Variants in PPA1 observed in about 807,000 individuals in gnomAD.
PPA1 encodes inorganic pyrophosphatase.
Under a neutral mutation model 41.8 loss-of-function variants are expected in PPA1, and 23 were observed. The ratio of observed to expected loss-of-function variants is 0.55; its 90% CI spans 0.40 to 0.78. The LOEUF is 0.78. Among genes scored for constraint, PPA1 ranks in the 30% least tolerant of loss-of-function variants. PPA1 has a pLI of 0.00. For missense variants in PPA1, 320 were observed against 361.6 expected, an observed-to-expected ratio of 0.89 and a Z score of 0.93; for synonymous variants, 101 against 116.8, an observed-to-expected ratio of 0.86 and a Z score of 0.87.
At chr10:70,208,619 T>C (rs1002866313) in intron 8 of PPA1, among the ~76,000 whole-genome samples, 1 of 152,030 alleles carries the variant, frequency 6.6e-6, no homozygotes, top group Non-Finnish European at 1.5e-5. Context: ...ATGAGCCATA[T>C]AGCACCCAGA....
chr10:70,233,232 G>A, intron 1 of PPA1, 32 bp downstream of exon 1: 1 of 1,527,552 alleles, frequency 6.5e-7, no homozygotes, highest in South Asian at 1.2e-5. Context: ...GGGCGGACGG[G>A]CGCGGAGGGG....
chr10:70,206,652 T>A (rs1425656168), intron 8 of PPA1, among the ~76,000 whole-genome samples: 1 of 151,484 alleles, frequency 6.6e-6, no homozygotes. Flanking sequence ...GAGACCATCC[T>A]GGCCAACACG....
At chr10:70,209,986 G>C (rs1839998437) in intron 6 of PPA1, 1 of 351,972 alleles carries the variant, frequency 2.8e-6, no homozygotes, top group Non-Finnish European at 5.2e-6. Context: ...GTTAGGTAAG[G>C]GCAAACAGCT....
intron 2 of PPA1, among the ~76,000 whole-genome samples, chr10:70,221,076 A>ATTTTTTTTTT (rs11310336): frequency 5.0e-5 from 2 of 40,048 alleles, no homozygotes; most frequent in Admixed American, 4.4e-4. Context: ...ATATATATAT[A>ATTTTTTTTTT]TTTTTTTTTT....
At chr10:70,205,390 A>T (rs549452096) in intron 9 of PPA1, 17 of 152,152 alleles carry the variant, frequency 1.1e-4, no homozygotes, top group African/African-American at 3.9e-4. Context: ...AAAAAAAAAA[A>T]ATTCAAGCCT....
intron 2 of PPA1, among the ~76,000 whole-genome samples, chr10:70,225,560 G>GA (rs561635417): frequency 1.3e-3 from 201 of 151,188 alleles, no homozygotes; most frequent in African/African-American, 4.7e-3. Flanking sequence ...AAAATTTGGA[G>GA]AAAAAACAGT....
chr10:70,205,507 T>C (rs1839929439), intron 9 of PPA1: 1 of 152,160 alleles, frequency 6.6e-6, no homozygotes, highest in African/African-American at 2.4e-5. Flanking sequence ...TTATAAAATA[T>C]GGGCAGTGTT....
intron 6 of PPA1, chr10:70,210,360 A>C (rs1219382718): frequency 1.5e-6 from 2 of 1,364,058 alleles, no homozygotes; most frequent in South Asian, 2.3e-5. Flanking sequence ...TACAGGCTTG[A>C]GGTACTATCC....
At position 70,203,193 on chromosome 10, in the gene PPA1, T is replaced by A. The variant is rs1364579526; in HGVS notation, c.839-7A>T. On this transcript the variant is annotated splice_polypyrimidine_tract_variant and splice_region_variant and intron_variant, in intron 10 of 10. Transcript: ENST00000373232. ...TGATGGAACCACTTATCCACTGTAT[T>A]CAGAGAAAAGAAAAACAAATTAGAA... The A allele has an allele frequency of 6.2e-7, 1 of 1,605,320 alleles. No homozygotes were observed. Among genetic ancestry groups the A allele is most frequent in the East Asian group, 2.2e-5 (1 of 44,720 alleles).
Position 70,211,213 on chromosome 10 carries a change from C to T in PPA1, c.512-1528G>A, listed in dbSNP as rs78048311. 8.3e-3 allele frequency among the ~76,000 whole-genome samples: 1,262 copies of T among 152,282 alleles called. 21 individuals are homozygous for T. Among genetic ancestry groups the T allele is most frequent in the African/African-American group, 0.029 (1,213 of 41,560 alleles). On this transcript the variant is annotated intron_variant, in intron 6 of 10. Transcript: ENST00000373232. Reference sequence around the variant, plus strand: ...CTTATAATTTACATGAAATGTGTCACCTGATATAGAAATAATTTGGAAATC... The same window carrying T: ...CTTATAATTTACATGAAATGTGTCATCTGATATAGAAATAATTTGGAAATC...
rs1435885691 is a variant in PPA1, at chr10:70,213,468, T to C, written c.506A>G (p.Tyr169Cys). 3 of 1,613,842 alleles carry C rather than the reference T, an allele frequency of 1.9e-6. No homozygotes were observed. Among genetic ancestry groups the C allele is most frequent in the African/African-American group, 2.7e-5 (2 of 74,944 alleles). ...GACTTTTCAAATTTTCTTACCATTA[T>C]AATTGGCTGCATCAGGATCATCCAC... is the stretch of plus-strand genomic sequence containing the variant. ...INVDDPDAAN[Y>C]NDINDVKRLK... Residue 169 changes from tyrosine (Y) to cysteine (C), a missense_variant, in exon 6 of 11, where the codon TAT becomes TGT. Physicochemically the swap from Tyr to Cys is radical, Grantham distance 194. Transcript: ENST00000373232.
rs1840104219 is a variant in PPA1 at position 70,218,672 on chromosome 10, T to C, written c.177+92A>G. 6 of 1,006,778 alleles carry C rather than the reference T, an allele frequency of 6.0e-6. No individual in the cohort carries two copies. The South Asian group carries it at 8.4e-5, about 14-fold the overall frequency. The allele number at this position is 1,006,778 out of a possible 1,614,324, so 62.4% of individuals were successfully genotyped here. A position where few individuals can be genotyped will look rare whatever the true frequency, so the allele number is the denominator to read the frequency against. ...ACTGGGACCAGACAGAGAAAAACCT[T>C]GACGTTCAGATGGTTCATCCTTGAT... On this transcript the variant is annotated intron_variant, in intron 3 of 10. Coordinates refer to ENST00000373232, the MANE Select transcript of PPA1 (RefSeq NM_021129.4).
rs778698409 is a variant in PPA1, at chr10:70,210,322, C to T, written c.512-637G>A. The T allele has an allele frequency of 1.3e-4, 168 of 1,316,796 alleles. 1 individual carries two copies. Among genetic ancestry groups the T allele is most frequent in the Non-Finnish European group, 1.5e-4 (150 of 980,340 alleles). 81.6% of individuals were successfully genotyped at this position (1,316,796 alleles called of 1,614,324 possible). A position where few individuals can be genotyped will look rare whatever the true frequency, so the allele number is the denominator to read the frequency against. ...AAACTCCTGGGCTCAAGCAATCCTCCTGCCTTGGCTTCCCAAAGCACTGGG... is the reference window on the plus strand; with the variant it reads ...AAACTCCTGGGCTCAAGCAATCCTCTTGCCTTGGCTTCCCAAAGCACTGGG... On this transcript the variant is annotated intron_variant, in intron 6 of 10. Coordinates refer to ENST00000373232, the MANE Select transcript of PPA1 (RefSeq NM_021129.4).
intron 1 of PPA1, among the ~76,000 whole-genome samples, chr10:70,231,830 G>A (rs552227993): frequency 1.2e-4 from 18 of 152,220 alleles, no homozygotes; most frequent in Non-Finnish European, 2.2e-4. Flanking sequence ...GAGTAGCTTT[G>A]GTCTCCCATA....
intron 7 of PPA1, 133 bp from the exon 8 acceptor site, chr10:70,209,423 G>A (rs1231710557): frequency 6.1e-6 from 8 of 1,315,726 alleles, no homozygotes; most frequent in Non-Finnish European, 7.3e-6. Context: ...GAATATTAAA[G>A]TGAATAAATA....
Position 70,219,535 on chromosome 10 carries a change from A to G in PPA1, c.124-718T>C, listed in dbSNP as rs575844574. Among the ~76,000 whole-genome samples the G allele has an allele frequency of 9.2e-5, 14 of 152,342 alleles. No homozygotes were observed. In the South Asian group the frequency reaches 2.7e-3, roughly 29 times the overall value. On this transcript the variant is annotated intron_variant, in intron 2 of 10. Transcript: ENST00000373232. ...TACTTGGTCATACTTTAGTTTTAGC[A>G]TCAAACAAAACTCATCAGCTTCATT...
chr10:70,221,024 TA>T (rs1320474142), intron 2 of PPA1, among the ~76,000 whole-genome samples: 3 of 70,938 alleles, frequency 4.2e-5, no homozygotes, highest in Admixed American at 4.8e-4. Context: ...AATTTATATA[TA>T]TAATATATAT....
intron 2 of PPA1, among the ~76,000 whole-genome samples, chr10:70,230,120 G>C (rs113902202): frequency 9.9e-4 from 151 of 152,216 alleles, no homozygotes; most frequent in African/African-American, 3.4e-3. Flanking sequence ...TGTTGCCCAG[G>C]CTGTTCTTGA....
At chr10:70,215,216 C>CA (rs570684277) in intron 4 of PPA1, among the ~76,000 whole-genome samples, 1 of 151,838 alleles carries the variant, frequency 6.6e-6, no homozygotes, top group Non-Finnish European at 1.5e-5. Flanking sequence ...ACAAAACAAA[C>CA]AAAAAAAGAA....
Sources: allele counts gnomAD v4.1 joint callset (sites outside exome capture counted in the v4.1 genomes callset), GRCh38; gene constraint gnomAD v4.1.1; transcripts MANE v1.5; gene names NCBI Gene and HGNC (gene_info 2026-07-23, HGNC 2026-07-21).